NFIA: variants seen among roughly 807,000 people sequenced by gnomAD.
The protein encoded by NFIA is nuclear factor 1 A-type.
A neutral mutation model predicts 62.8 loss-of-function variants in NFIA; 8 were observed. The observed-to-expected ratio is 0.13, with a 90% CI of 0.07 to 0.23. NFIA has a LOEUF of 0.23. Among genes scored for constraint, NFIA ranks in the 10% least tolerant of loss-of-function variants. The pLI, the probability that NFIA is intolerant of heterozygous loss-of-function variation, is 1.00. For missense variants in NFIA, 410 were observed against 642.1 expected (o/e 0.64, Z 3.91); for synonymous variants, 235 against 238.1 (o/e 0.99, Z 0.12).
intron 2 of NFIA, chr1:61,251,406 T>G (rs921208246): frequency 6.6e-6 from 1 of 152,194 alleles, no homozygotes; most frequent in Non-Finnish European, 1.5e-5. Context: ...TTGCAAAAGT[T>G]GCTGGGAAAG....
chr1:61,258,570 G>A (rs1056339939), intron 2 of NFIA, among the ~76,000 whole-genome samples: 2 of 152,068 alleles, frequency 1.3e-5, no homozygotes, highest in African/African-American at 4.8e-5. Context: ...GCTGTCTGAT[G>A]TATATTAAGG....
intron 2 of NFIA, among the ~76,000 whole-genome samples, chr1:61,241,316 AG>A (rs1655335321): frequency 6.6e-6 from 1 of 152,110 alleles, no homozygotes; most frequent in Non-Finnish European, 1.5e-5. Context: ...TGTCTGTTAA[AG>A]GGTTAAAGAA....
intron 10 of NFIA, among the ~76,000 whole-genome samples, chr1:61,432,477 T>A (rs1384816034): frequency 1.3e-5 from 2 of 151,718 alleles, no homozygotes; most frequent in East Asian, 1.9e-4. Context: ...CTGCCCACCC[T>A]GACAGGAGCT....
intron 3 of NFIA, among the ~76,000 whole-genome samples, chr1:61,282,541 A>G (rs1658200558): frequency 6.6e-6 from 1 of 152,196 alleles, no homozygotes; most frequent in Non-Finnish European, 1.5e-5. Flanking sequence ...CAGGTCAGTC[A>G]TTAATGAGGA....
At chr1:61,198,990 C>T (rs1287885312) in intron 2 of NFIA, among the ~76,000 whole-genome samples, 1 of 152,096 alleles carries the variant, frequency 6.6e-6, no homozygotes, top group Non-Finnish European at 1.5e-5. Flanking sequence ...GGCCTTTGCC[C>T]ACTAAAAAAT....
At chr1:61,272,370 A>G (rs1048678441) in intron 2 of NFIA, among the ~76,000 whole-genome samples, 2 of 152,194 alleles carry the variant, frequency 1.3e-5, no homozygotes, top group Non-Finnish European at 2.9e-5. Context: ...ATTACAAAGT[A>G]TTACAATAAT....
chr1:61,456,379 A>AC lies in NFIA; in HGVS notation c.*1059_*1060insC, dbSNP rs1023437451. 1.1e-4 allele frequency: 17 copies of AC among 152,014 alleles called. No individual in the cohort carries two copies. The highest frequency in any genetic ancestry group is 2.1e-4 in the Non-Finnish European group (14 of 67,900). 9.4% of individuals were successfully genotyped at this position (152,014 alleles called of 1,614,324 possible). ...CTTTAAAAACTGAAGGAAATTAAAA[A>AC]AAAAAAACAAAAAAACAAATCTAAT... On this transcript the variant is annotated 3_prime_UTR_variant, in exon 11 of 11. Coordinates refer to ENST00000403491, the MANE Select transcript of NFIA (RefSeq NM_001134673.4).
chr1:61,313,913 CCTT>C (rs1277488187), intron 3 of NFIA, among the ~76,000 whole-genome samples: 2 of 152,284 alleles, frequency 1.3e-5, no homozygotes, highest in East Asian at 3.9e-4. Context: ...GTCTGTGTGA[CCTT>C]AGACTGTGCT....
intron 2 of NFIA, among the ~76,000 whole-genome samples, chr1:61,267,028 C>T (rs1033915045): frequency 4.6e-5 from 7 of 152,074 alleles, no homozygotes; most frequent in East Asian, 1.9e-4. Context: ...TATAAATAGC[C>T]AAGAAGGGAC....
intron 2 of NFIA, among the ~76,000 whole-genome samples, chr1:61,219,275 T>C (rs1026451111): frequency 2.6e-5 from 4 of 152,190 alleles, no homozygotes; most frequent in East Asian, 1.9e-4. Context: ...TTGCATACTT[T>C]GTAAAAGAAT....
chr1:61,173,655 G>T (rs1650125640), intron 2 of NFIA, among the ~76,000 whole-genome samples: 1 of 152,170 alleles, frequency 6.6e-6, no homozygotes, highest in African/African-American at 2.4e-5. Context: ...CTCCCAAAGT[G>T]CTGGGATTAT....
In NFIA at chr1:61,231,874, A is replaced by AC. The variant is rs1266581347; in HGVS notation, c.560-45646_560-45645insC. ...AACAAACAAACAAACAACAACAACA[A>AC]AAAAAAACAAAACAAGAAATAATAC... On this transcript the variant is annotated intron_variant, in intron 2 of 10. Coordinates refer to ENST00000403491, the MANE Select transcript of NFIA (RefSeq NM_001134673.4). Among the ~76,000 whole-genome samples, 52 of 151,942 alleles carry AC rather than the reference A, an allele frequency of 3.4e-4. 1 individual carries two copies. The highest frequency in any genetic ancestry group is 1.1e-3 in the African/African-American group (45 of 41,452).
intron 3 of NFIA, among the ~76,000 whole-genome samples, chr1:61,278,684 G>A (rs1297076703): frequency 3.3e-5 from 5 of 152,118 alleles, no homozygotes; most frequent in African/African-American, 1.2e-4. Flanking sequence ...CCAGCTACTT[G>A]GGAGGCTTAG....
chr1:61,417,490 T>C (rs1666405533), intron 9 of NFIA, among the ~76,000 whole-genome samples: 2 of 151,914 alleles, frequency 1.3e-5, no homozygotes, highest in African/African-American at 4.8e-5. Context: ...CATGTATTTT[T>C]GTCCCCAACT....
At chr1:61,078,932 T>A (rs934776428), upstream of NFIA, among the ~76,000 whole-genome samples, 1 of 152,232 alleles carries the variant, frequency 6.6e-6, no homozygotes, top group African/African-American at 2.4e-5. Context: ...AGCCTCTGAC[T>A]AAAATATCTC....
rs1656046797 is a variant in NFIA at position 61,251,635 on chromosome 1, A to G, written c.560-25885A>G. Among the ~76,000 whole-genome samples, 4 of 152,304 alleles carry G rather than the reference A, an allele frequency of 2.6e-5. No individual in the cohort carries two copies. The South Asian group carries it at 6.2e-4, about 24-fold the overall frequency. ...TACAATCACGTGAAAACTGATAGTT[A>G]CATAACCTGAAAAATCATAAAATAC... On this transcript the variant is annotated intron_variant, in intron 2 of 10. Coordinates refer to ENST00000403491, the MANE Select transcript of NFIA (RefSeq NM_001134673.4).
rs576175491 is a variant in NFIA, at chr1:61,384,273, C to G, written c.1075+908C>G. 2.0e-5 allele frequency among the ~76,000 whole-genome samples: 3 copies of G among 152,250 alleles called. No homozygotes were observed. In the East Asian group the frequency reaches 5.8e-4, roughly 29 times the overall value. The stretch of plus-strand genomic sequence containing the variant: ...TACCTGGGGAAACTGATGTTTCTTG[C>G]ATTAATCTCAATGTTAGCCCCACCA... On this transcript the variant is annotated intron_variant, in intron 7 of 10. Transcript: ENST00000403491.
At chr1:61,450,003 C>T (rs932625186) in intron 10 of NFIA, among the ~76,000 whole-genome samples, 1 of 152,140 alleles carries the variant, frequency 6.6e-6, no homozygotes, top group African/African-American at 2.4e-5. Context: ...AAAGTGACAC[C>T]AATCCTGAGT....
intron 2 of NFIA, among the ~76,000 whole-genome samples, chr1:61,143,529 A>G (rs1168370417): frequency 6.6e-6 from 1 of 152,096 alleles, no homozygotes; most frequent in Non-Finnish European, 1.5e-5. Flanking sequence ...AACTGGGGCT[A>G]CAGGTGTCTG....
Sources: allele counts gnomAD v4.1 joint callset (sites outside exome capture counted in the v4.1 genomes callset), GRCh38; gene constraint gnomAD v4.1.1; transcripts MANE v1.5; gene names NCBI Gene and HGNC (gene_info 2026-07-23, HGNC 2026-07-21).